The following UHRF2 variants were observed in gnomAD, a reference collection of about 807,000 sequenced individuals.
UHRF2 encodes E3 ubiquitin-protein ligase UHRF2.
Under a neutral mutation model 96.8 loss-of-function variants are expected in UHRF2, and 23 were observed. That is an observed-to-expected ratio of 0.24 (90% CI 0.17 to 0.34). The LOEUF is 0.34. Among genes scored for constraint, UHRF2 ranks in the 10% least tolerant of loss-of-function variants. UHRF2 has a pLI of 1.00. For synonymous variants in UHRF2, 385 were observed against 332.6 expected (o/e 1.16, Z -1.72); for missense variants, 685 against 981.5 (o/e 0.70, Z 4.04).
intron 3 of UHRF2, among the ~76,000 whole-genome samples, chr9:6,450,066 G>A (rs1268136375): frequency 6.6e-6 from 1 of 152,158 alleles, no homozygotes; most frequent in Non-Finnish European, 1.5e-5. Flanking sequence ...GAGGAGTCCT[G>A]TGAGTTCTGC....
chr9:6,478,046 C>A (rs535780284), intron 6 of UHRF2, among the ~76,000 whole-genome samples: 1 of 152,260 alleles, frequency 6.6e-6, no homozygotes, highest in Admixed American at 6.5e-5. Flanking sequence ...TGTGTTCATT[C>A]AAAAATGCAA....
intron 8 of UHRF2, among the ~76,000 whole-genome samples, chr9:6,483,162 T>G (rs1326658614): frequency 6.6e-6 from 1 of 151,566 alleles, no homozygotes; most frequent in Non-Finnish European, 1.5e-5. Flanking sequence ...CCATCTCTAC[T>G]AAAAATACAA....
intron 2 of UHRF2, among the ~76,000 whole-genome samples, chr9:6,426,977 G>GACGTCAGGTGATC (rs1554620980): frequency 6.6e-6 from 1 of 151,264 alleles, no homozygotes; most frequent in Non-Finnish European, 1.5e-5. Context: ...TTGAACTCCT[G>GACGTCAGGTGATC]ACCTCAGGTG....
At chr9:6,447,458 A>G (rs1329338406) in intron 3 of UHRF2, among the ~76,000 whole-genome samples, 1 of 152,192 alleles carries the variant, frequency 6.6e-6, no homozygotes, top group East Asian at 1.9e-4. Context: ...GTATAAAGGT[A>G]GAGGAGATAT....
At position 6,487,313 on chromosome 9, in the gene UHRF2, C is replaced by T. The variant is rs139073908; in HGVS notation, c.1497+388C>T. Reference sequence around the variant, plus strand: ...AAGTGATTTTCCTGCCTCAGCCTCCCAAGTATGTGAGATTTCAGGCGCCTG... The same window carrying T: ...AAGTGATTTTCCTGCCTCAGCCTCCTAAGTATGTGAGATTTCAGGCGCCTG... On this transcript the variant is annotated intron_variant, in intron 9 of 15. Coordinates refer to ENST00000276893, the MANE Select transcript of UHRF2 (RefSeq NM_152896.3). Among the ~76,000 whole-genome samples, 371 of 150,982 alleles carry T rather than the reference C, an allele frequency of 2.5e-3. 1 individual carries two copies. Among genetic ancestry groups the T allele is most frequent in the African/African-American group, 8.7e-3 (359 of 41,104 alleles).
At chr9:6,504,380 G>A in intron 14 of UHRF2, 1 of 360,362 alleles carries the variant, frequency 2.8e-6, no homozygotes, top group South Asian at 4.5e-5. Flanking sequence ...AATAATAGAT[G>A]GATATATTTT....
chr9:6,492,109 A>G (rs1357452458), intron 9 of UHRF2, among the ~76,000 whole-genome samples: 1 of 152,198 alleles, frequency 6.6e-6, no homozygotes, highest in Non-Finnish European at 1.5e-5. Context: ...TCGTGATAAT[A>G]TAATGTTTTT....
chr9:6,482,598 C>CTT (rs1334743518), intron 8 of UHRF2, among the ~76,000 whole-genome samples: 115 of 135,978 alleles, frequency 8.5e-4, no homozygotes, highest in Non-Finnish European at 1.3e-3. Flanking sequence ...TAAGAGGGGC[C>CTT]TTTTTTTTTT....
At chr9:6,489,656 A>G (rs2130937770) in intron 9 of UHRF2, among the ~76,000 whole-genome samples, 1 of 143,466 alleles carries the variant, frequency 7.0e-6, no homozygotes, top group South Asian at 2.2e-4. Context: ...TCGTTTGCTT[A>G]TTTGCCATCT....
chr9:6,500,754 A>C (rs779215602), intron 14 of UHRF2, 45 bp downstream of exon 14: 1 of 1,526,726 alleles, frequency 6.5e-7, no homozygotes, highest in East Asian at 2.3e-5. Flanking sequence ...ATATTAACAA[A>C]TGATAAATAA....
chr9:6,422,261 C>T (rs761569011), intron 2 of UHRF2, among the ~76,000 whole-genome samples: 1 of 151,442 alleles, frequency 6.6e-6, no homozygotes, highest in African/African-American at 2.4e-5. Flanking sequence ...TTTATATTTC[C>T]AGTAGAGACG....
rs561969655 is a variant in UHRF2, at chr9:6,483,927, G to A, written c.1392+1828G>A. ...TGGTCTCGAACTCCCAACCTCGGGT[G>A]ATCTGCCTGTCTCAGCCTCCCAAAG... On this transcript the variant is annotated intron_variant, in intron 8 of 15. Transcript: ENST00000276893. Among the ~76,000 whole-genome samples the A allele has an allele frequency of 2.2e-3, 342 of 152,250 alleles. 2 individuals carry two copies. Among genetic ancestry groups the A allele is most frequent in the African/African-American group, 8.0e-3 (331 of 41,548 alleles).
intron 2 of UHRF2, among the ~76,000 whole-genome samples, chr9:6,426,852 G>T (rs1406750981): frequency 2.0e-5 from 3 of 152,254 alleles, no homozygotes; most frequent in African/African-American, 7.2e-5. Context: ...GGGTTCAAGC[G>T]ATTCTACTGC....
chr9:6,503,808 T>C (rs993766117), intron 14 of UHRF2, among the ~76,000 whole-genome samples: 2 of 152,074 alleles, frequency 1.3e-5, no homozygotes, highest in African/African-American at 4.8e-5. Flanking sequence ...CCATGATTTT[T>C]TTATTTTTTA....
At chr9:6,447,334 C>T (rs925192552) in intron 3 of UHRF2, among the ~76,000 whole-genome samples, 11 of 152,148 alleles carry the variant, frequency 7.2e-5, no homozygotes, top group Non-Finnish European at 1.5e-4. Context: ...TGTTTCCAGA[C>T]ATTTGTGGGC....
At chr9:6,485,887 T>G (rs1824262433) in intron 8 of UHRF2, among the ~76,000 whole-genome samples, 2 of 150,016 alleles carry the variant, frequency 1.3e-5, no homozygotes, top group Non-Finnish European at 3.0e-5. Context: ...TTTCAGGGAG[T>G]TTGAAGTTCA....
intron 2 of UHRF2, among the ~76,000 whole-genome samples, chr9:6,433,355 G>A (rs1431582452): frequency 2.6e-5 from 4 of 152,168 alleles, no homozygotes; most frequent in Non-Finnish European, 5.9e-5. Context: ...GTAGATAAAT[G>A]TATTTGCCTA....
chr9:6,425,505 A>G (rs1216441968), intron 2 of UHRF2, among the ~76,000 whole-genome samples: 3 of 152,130 alleles, frequency 2.0e-5, no homozygotes, highest in African/African-American at 7.2e-5. Flanking sequence ...CTGTAATCCC[A>G]GCACTTTGGG....
In UHRF2 at chr9:6,434,094, T is replaced by A. The variant is rs766810095; in HGVS notation, c.565T>A (p.Leu189Met). 5.6e-6 allele frequency: 9 copies of A among 1,614,102 alleles called. 1 individual carries two copies. In the South Asian group the frequency reaches 9.9e-5, roughly 18 times the overall value. Reference sequence around the variant, plus strand: ...TAAATCCAAAGAGAACACAAATAAATTGGACAGTGTACCCTCTACGTCTAA... The same window carrying A: ...TAAATCCAAAGAGAACACAAATAAAATGGACAGTGTACCCTCTACGTCTAA... ...KHKSKENTNK[L>M]DSVPSTSNSD... is the part of the protein sequence containing the mutation. The change falls in exon 3 of 16, where the codon TTG becomes ATG. Residue 189 changes from leucine (L) to methionine (M), a missense_variant. Around this residue, in one of 6 missense-constraint regions of UHRF2, gnomAD observed 391 missense variants for 437.0 expected, o/e 0.89. Coordinates refer to ENST00000276893, the MANE Select transcript of UHRF2 (RefSeq NM_152896.3).
Sources: gnomAD v4.1 joint callset for allele counts (sites outside exome capture counted in the v4.1 genomes callset) on GRCh38, gnomAD v4.1.1 for gene constraint, gnomAD v4.1.1 regional missense constraint, MANE v1.5 for transcripts, NCBI Gene and HGNC (gene_info 2026-07-23, HGNC 2026-07-21) for gene names.